The following MRPS28 variants were observed in gnomAD, a reference collection of about 807,000 sequenced individuals.
The protein encoded by MRPS28 is mitochondrial ribosomal protein S28, also known as small ribosomal subunit protein bS1m.
A neutral mutation model predicts 10.8 loss-of-function variants in MRPS28; 7 were observed. That is an observed-to-expected ratio of 0.65 (90% CI 0.37 to 1.22). The LOEUF (loss-of-function observed/expected upper bound fraction) is 1.22, where lower values mean the gene tolerates loss of function less well. MRPS28 is among the 50% of genes most tolerant of loss of function. The pLI, the probability that MRPS28 is intolerant of heterozygous loss-of-function variation, is 0.02. For missense variants in MRPS28, 265 were observed against 232.9 expected (o/e 1.14, Z -0.90); for synonymous variants, 121 against 93.3 (o/e 1.30, Z -1.71).
chr8:79,984,737 T>C (rs1284494650), intron 2 of MRPS28, among the ~76,000 whole-genome samples: 2 of 152,162 alleles, frequency 1.3e-5, no homozygotes, highest in Non-Finnish European at 2.9e-5. Context: ...ATCCTAAATA[T>C]ATGTGCACCC....
intron 1 of MRPS28, among the ~76,000 whole-genome samples, chr8:80,029,069 T>A (rs1809575013): frequency 6.6e-6 from 1 of 152,156 alleles, no homozygotes; most frequent in Non-Finnish European, 1.5e-5. Flanking sequence ...GAACACAACT[T>A]CACCAACACC....
chr8:79,975,641 A>C (rs2887647), intron 2 of MRPS28, among the ~76,000 whole-genome samples: 121,583 of 152,016 alleles, frequency 0.8, 49,372 homozygotes, highest in African/African-American at 0.95. Context: ...CAAACGTTCA[A>C]CATTGCTAGT....
chr8:79,964,090 AAG>A (rs1807443347), intron 2 of MRPS28, among the ~76,000 whole-genome samples: 1 of 152,206 alleles, frequency 6.6e-6, no homozygotes, highest in South Asian at 2.1e-4. Context: ...GTTGGGCACA[AAG>A]AGAAATCAGG....
chr8:79,939,376 C>T lies in MRPS28; in HGVS notation c.396-20228G>A, dbSNP rs10957948. On this transcript the variant is annotated intron_variant, in intron 2 of 2. Transcript: ENST00000276585. The stretch of plus-strand genomic sequence containing the variant: ...AGTAGTTTTAAAGCAGAAAATACAC[C>T]TAGTTAGTGTTGCCTATAATATACA... 7.0e-3 allele frequency among the ~76,000 whole-genome samples: 1,066 copies of T among 152,114 alleles called. 14 individuals carry two copies. The highest frequency in any genetic ancestry group is 0.057 in the East Asian group (292 of 5,166).
intron 2 of MRPS28, among the ~76,000 whole-genome samples, chr8:79,921,689 C>G (rs1810098697): frequency 6.6e-6 from 1 of 152,064 alleles, no homozygotes; most frequent in South Asian, 2.1e-4. Context: ...TGGGCTGAGA[C>G]AATGGGGTTT....
chr8:79,944,970 C>T (rs1002122212), intron 2 of MRPS28, among the ~76,000 whole-genome samples: 1 of 152,134 alleles, frequency 6.6e-6, no homozygotes, highest in Non-Finnish European at 1.5e-5. Flanking sequence ...GCTGGGATTA[C>T]AGGCATGAGC....
chr8:79,953,395 TAG>T (rs1243812348), intron 2 of MRPS28, among the ~76,000 whole-genome samples: 12 of 152,104 alleles, frequency 7.9e-5, no homozygotes, highest in African/African-American at 2.9e-4. Flanking sequence ...TGGTACAGAA[TAG>T]AGATACCAGA....
chr8:80,003,864 C>A (rs984899748), intron 1 of MRPS28, among the ~76,000 whole-genome samples: 7 of 152,198 alleles, frequency 4.6e-5, no homozygotes, highest in Non-Finnish European at 1.0e-4. Context: ...TGGAGGGTCC[C>A]ATGCCCACGG....
chr8:79,939,925 A>G (rs564229567), intron 2 of MRPS28, among the ~76,000 whole-genome samples: 2 of 151,572 alleles, frequency 1.3e-5, no homozygotes, highest in East Asian at 1.9e-4. Context: ...AGCGGAGATC[A>G]CGCCACTGCA....
chr8:79,930,312 C>T (rs970221099), intron 2 of MRPS28, among the ~76,000 whole-genome samples: 4 of 152,186 alleles, frequency 2.6e-5, no homozygotes, highest in African/African-American at 9.7e-5. Flanking sequence ...TATGAGGACA[C>T]ATGGAGCTAC....
intron 1 of MRPS28, among the ~76,000 whole-genome samples, chr8:80,015,282 C>A (rs979994333): frequency 6.6e-6 from 1 of 152,216 alleles, no homozygotes; most frequent in African/African-American, 2.4e-5. Flanking sequence ...ATTTATCAAA[C>A]AGGTGTTGTC....
chr8:79,957,560 A>C (rs1010866208), intron 2 of MRPS28, among the ~76,000 whole-genome samples: 3 of 151,802 alleles, frequency 2.0e-5, no homozygotes, highest in Admixed American at 2.0e-4. Context: ...AAAAAAAAAA[A>C]AAAAAAACTT....
chr8:80,017,068 C>G (rs1287307902), intron 1 of MRPS28, among the ~76,000 whole-genome samples: 2 of 152,126 alleles, frequency 1.3e-5, no homozygotes, highest in Admixed American at 6.5e-5. Flanking sequence ...CACACCTTAA[C>G]AAATTTAAAG....
intron 2 of MRPS28, among the ~76,000 whole-genome samples, chr8:79,933,705 T>C (rs1172531215): frequency 3.3e-5 from 5 of 152,162 alleles, no homozygotes; most frequent in African/African-American, 1.2e-4. Flanking sequence ...AAAGAAATTC[T>C]ATTAGGAAAG....
At chr8:79,930,892 TA>T (rs1806445496) in intron 2 of MRPS28, among the ~76,000 whole-genome samples, 1 of 152,210 alleles carries the variant, frequency 6.6e-6, no homozygotes. Flanking sequence ...AATTTCTGAA[TA>T]AAAAATATCA....
chr8:79,965,515 T>C (rs1488756278), intron 2 of MRPS28, among the ~76,000 whole-genome samples: 1 of 152,064 alleles, frequency 6.6e-6, no homozygotes, highest in Non-Finnish European at 1.5e-5. Flanking sequence ...TATTAGGAAT[T>C]ATGATATGCT....
At chr8:79,971,231 C>T (rs1038734025) in intron 2 of MRPS28, among the ~76,000 whole-genome samples, 9 of 152,058 alleles carry the variant, frequency 5.9e-5, no homozygotes, top group African/African-American at 1.9e-4. Context: ...GGACTGAGGA[C>T]TAAAAAGGGT....
intron 2 of MRPS28, among the ~76,000 whole-genome samples, chr8:79,930,574 A>C (rs1315935285): frequency 6.6e-6 from 1 of 152,234 alleles, no homozygotes; most frequent in Non-Finnish European, 1.5e-5. Flanking sequence ...CCTGGCTTCC[A>C]ATCTCAAAGC....
intron 2 of MRPS28, among the ~76,000 whole-genome samples, chr8:79,962,637 A>T (rs1022098819): frequency 2.0e-5 from 3 of 152,140 alleles, no homozygotes; most frequent in African/African-American, 4.8e-5. Flanking sequence ...TTTATTTTAA[A>T]ATTGTACCCT....
Sources: gnomAD v4.1 joint callset for allele counts (sites outside exome capture counted in the v4.1 genomes callset) on GRCh38, gnomAD v4.1.1 for gene constraint, MANE v1.5 for transcripts, NCBI Gene and HGNC (gene_info 2026-07-23, HGNC 2026-07-21) for gene names.